ASCC3: variants seen among roughly 807,000 people sequenced by gnomAD.
ASCC3 encodes ASC-1 complex subunit P200.
In ASCC3, 158 loss-of-function variants were observed where a neutral mutation model predicts 256.3. The observed-to-expected ratio is 0.62, with a 90% CI of 0.54 to 0.70. The LOEUF (loss-of-function observed/expected upper bound fraction) is 0.70. ASCC3 is among the 30% of genes least tolerant of loss of function. ASCC3 has a pLI of 0.00. For synonymous variants in ASCC3, 948 were observed against 883.4 expected (o/e 1.07, Z -1.30); for missense variants, 2,259 against 2,626.0 (o/e 0.86, Z 3.05).
In ASCC3 at chr6:100,831,558, C is replaced by T. The variant is rs191449681; in HGVS notation, c.801+16590G>A. Among the ~76,000 whole-genome samples the T allele has an allele frequency of 1.5e-4, 23 of 152,050 alleles. No individual in the cohort carries two copies. The East Asian group carries it at 2.5e-3, about 17-fold the overall frequency. On this transcript the variant is annotated intron_variant, in intron 4 of 41. Coordinates refer to ENST00000369162, the MANE Select transcript of ASCC3 (RefSeq NM_006828.4). Reference sequence around the variant, plus strand: ...GAACTAGAGCTAATCTTAATGGAAGCCAGGGATTAGGCATGGAGCTTCTGC... The same window carrying T: ...GAACTAGAGCTAATCTTAATGGAAGTCAGGGATTAGGCATGGAGCTTCTGC...
At chr6:100,695,776 G>T (rs1247953580) in intron 13 of ASCC3, among the ~76,000 whole-genome samples, 1 of 152,058 alleles carries the variant, frequency 6.6e-6, no homozygotes, top group Admixed American at 6.5e-5. Flanking sequence ...TCCTATACAA[G>T]CTCAGAGTTT....
intron 8 of ASCC3, among the ~76,000 whole-genome samples, chr6:100,798,381 A>G (rs892297676): frequency 1.3e-5 from 2 of 152,052 alleles, no homozygotes; most frequent in African/African-American, 4.8e-5. Context: ...ATTTTATTAT[A>G]GGTTGATCAT....
chr6:100,552,935 G>A (rs1014900683), intron 36 of ASCC3, among the ~76,000 whole-genome samples: 11 of 151,904 alleles, frequency 7.2e-5, no homozygotes, highest in Admixed American at 7.2e-4. Context: ...GACTTGAAAA[G>A]AGATTTAAAA....
chr6:100,738,924 C>T (rs935413998), intron 10 of ASCC3, among the ~76,000 whole-genome samples: 1 of 152,078 alleles, frequency 6.6e-6, no homozygotes, highest in African/African-American at 2.4e-5. Flanking sequence ...TATATGAATA[C>T]CCTTTATTTC....
At chr6:100,739,518 C>G (rs924154393) in intron 10 of ASCC3, among the ~76,000 whole-genome samples, 1 of 152,148 alleles carries the variant, frequency 6.6e-6, no homozygotes, top group African/African-American at 2.4e-5. Context: ...GAAATGGTAT[C>G]AGCTCTTTGT....
intron 3 of ASCC3, among the ~76,000 whole-genome samples, chr6:100,854,905 G>C (rs374020842): frequency 1.2e-4 from 19 of 152,178 alleles, no homozygotes; most frequent in African/African-American, 4.1e-4. Context: ...AAACAAAAAA[G>C]ATTATTTTCA....
chr6:100,672,891 T>C (rs2099416097), intron 14 of ASCC3, among the ~76,000 whole-genome samples: 1 of 152,144 alleles, frequency 6.6e-6, no homozygotes, highest in Non-Finnish European at 1.5e-5. Context: ...CCCAATGATC[T>C]ATTAAAATGA....
intron 10 of ASCC3, among the ~76,000 whole-genome samples, chr6:100,735,397 GA>G (rs935337256): frequency 1.3e-5 from 2 of 152,058 alleles, no homozygotes; most frequent in African/African-American, 4.8e-5. Context: ...TTTATTATGA[GA>G]AAACAGCTTC....
rs562440472 is a variant in ASCC3, at chr6:100,811,623, T to TA, written c.802-5744dup. 3.2e-3 allele frequency among the ~76,000 whole-genome samples: 486 copies of TA among 151,306 alleles called. 6 individuals are homozygous for TA. The highest frequency in any genetic ancestry group is 0.02 in the South Asian group (98 of 4,788). Reference sequence around the variant, plus strand: ...ACAAGAGAAAGAAAAAACCTCGATATAAAAAAAAACCTTAAAATTACATTG... The same window carrying TA: ...ACAAGAGAAAGAAAAAACCTCGATATAAAAAAAAAACCTTAAAATTACATTG... On this transcript the variant is annotated intron_variant, in intron 4 of 41. Transcript: ENST00000369162.
At chr6:100,519,310 CA>C (rs2114616913) in intron 37 of ASCC3, among the ~76,000 whole-genome samples, 1 of 152,160 alleles carries the variant, frequency 6.6e-6, no homozygotes, top group South Asian at 2.1e-4. Context: ...TGGTCTTTAG[CA>C]TCCATTAACC....
chr6:100,608,117 T>TATATA (rs1562161146), intron 30 of ASCC3, among the ~76,000 whole-genome samples: 11 of 47,882 alleles, frequency 2.3e-4, no homozygotes, highest in African/African-American at 8.0e-4. Context: ...TGTATATATA[T>TATATA]CTATATATAC....
intron 13 of ASCC3, among the ~76,000 whole-genome samples, chr6:100,691,476 T>C (rs1329060930): frequency 6.6e-6 from 1 of 152,020 alleles, no homozygotes; most frequent in Non-Finnish European, 1.5e-5. Flanking sequence ...TTAATATGCA[T>C]TCAATTAATC....
chr6:100,723,861 T>C (rs1483408743), intron 11 of ASCC3, among the ~76,000 whole-genome samples: 69 of 1,840 alleles, frequency 0.037, 1 homozygote, highest in African/African-American at 0.18. Flanking sequence ...ATTAGGGAAT[T>C]ATATATATAT....
intron 30 of ASCC3, among the ~76,000 whole-genome samples, chr6:100,612,491 T>G (rs1430613140): frequency 1.3e-5 from 2 of 152,090 alleles, no homozygotes; most frequent in Admixed American, 1.3e-4. Context: ...CATATGCCAC[T>G]GAATAATGCT....
chr6:100,644,956 T>G (rs1775308698), intron 22 of ASCC3, among the ~76,000 whole-genome samples: 1 of 152,224 alleles, frequency 6.6e-6, no homozygotes, highest in South Asian at 2.1e-4. Context: ...GAATGACATC[T>G]TTAAACAGAA....
At chr6:100,814,218 TTC>T (rs1313672630) in intron 4 of ASCC3, among the ~76,000 whole-genome samples, 1 of 152,160 alleles carries the variant, frequency 6.6e-6, no homozygotes, top group Non-Finnish European at 1.5e-5. Context: ...TTGTCTTTAG[TTC>T]TGTTTTTGTG....
At chr6:100,694,188 C>A (rs1254351205) in intron 13 of ASCC3, among the ~76,000 whole-genome samples, 1 of 151,816 alleles carries the variant, frequency 6.6e-6, no homozygotes, top group East Asian at 1.9e-4. Context: ...ATAAAACAGT[C>A]CAGGTAGGTG....
At chr6:100,705,066 C>T (rs1322631203) in intron 13 of ASCC3, among the ~76,000 whole-genome samples, 1 of 152,008 alleles carries the variant, frequency 6.6e-6, no homozygotes, top group African/African-American at 2.4e-5. Context: ...ACAAATGAGA[C>T]GTCTCATTAG....
Position 100,516,320 on chromosome 6 carries a change from T to C in ASCC3, c.5935A>G (p.Lys1979Glu), listed in dbSNP as rs757380124. The change falls in exon 39 of 42, where the codon AAG becomes GAG. Residue 1979 changes from lysine to glutamate, a missense_variant. Physicochemically the swap from Lys to Glu is moderately conservative, Grantham distance 56 (BLOSUM62 1). Around this residue, in one of 2 missense-constraint regions of ASCC3, gnomAD observed 1,839 missense variants for 2,206.7 expected, o/e 0.83. Coordinates refer to ENST00000369162, the MANE Select transcript of ASCC3 (RefSeq NM_006828.4). ...GCATGTGGGCCCTTCATAATCGGCT[T>C]CCATTTCCTAGGAAATAATATCAAA... is the stretch of plus-strand genomic sequence containing the variant. Reference protein sequence around the residue: ...NHHLHLFKKWKPIMKGPHARG... With the variant: ...NHHLHLFKKWEPIMKGPHARG... 6.2e-7 allele frequency: 1 copy of C among 1,613,654 alleles called. No homozygotes were observed.
Sources: gnomAD v4.1 joint callset for allele counts (sites outside exome capture counted in the v4.1 genomes callset) on GRCh38, gnomAD v4.1.1 for gene constraint, gnomAD v4.1.1 regional missense constraint, MANE v1.5 for transcripts, NCBI Gene and HGNC (gene_info 2026-07-23, HGNC 2026-07-21) for gene names.